CARM1: variants seen among roughly 807,000 people sequenced by gnomAD.
The protein encoded by CARM1 is histone-arginine methyltransferase CARM1.
Under a neutral mutation model 72.7 loss-of-function variants are expected in CARM1, and 14 were observed. The ratio of observed to expected loss-of-function variants is 0.19; its 90% CI spans 0.13 to 0.30. The LOEUF is 0.30. CARM1 is among the 10% of genes least tolerant of loss of function. The probability of loss-of-function intolerance (pLI) is 1.00; values close to 1 mark genes in which losing one functional copy is unlikely to be tolerated. For synonymous variants in CARM1, 333 were observed against 345.5 expected (o/e 0.96, Z 0.40); for missense variants, 432 against 833.7 (o/e 0.52, Z 5.93).
At position 10,888,672 on chromosome 19, in the gene CARM1, T is replaced by C. The variant is rs2073959150; in HGVS notation, c.221-16279T>C. Among the ~76,000 whole-genome samples the C allele has an allele frequency of 3.3e-5, 5 of 152,264 alleles. No individual in the cohort carries two copies. The South Asian group carries it at 1.0e-3, about 32-fold the overall frequency. ...ACCCTCCACAACCCCATGCTTTTCATAATTATCCACTAAGCTCCCGCGCTT... is the reference window on the plus strand; with the variant it reads ...ACCCTCCACAACCCCATGCTTTTCACAATTATCCACTAAGCTCCCGCGCTT... On this transcript the variant is annotated intron_variant, in intron 1 of 15. Coordinates refer to ENST00000327064, the MANE Select transcript of CARM1 (RefSeq NM_199141.2).
At chr19:10,888,621 G>T (rs937272554) in intron 1 of CARM1, among the ~76,000 whole-genome samples, 2 of 152,106 alleles carry the variant, frequency 1.3e-5, no homozygotes, top group African/African-American at 2.4e-5. Context: ...CCGGTTTTGT[G>T]GCTTTGCACC....
At position 10,922,696 on chromosome 19, in the gene CARM1, G is replaced by T. The variant is rs1272635524; in HGVS notation, c.*939G>T. ...TCCATCCCTCCCCTGCCCGGGAAGG[G>T]ACCTTGCAGGGACCTCTCCCTCCAA... On this transcript the variant is annotated 3_prime_UTR_variant, in exon 16 of 16. Transcript: ENST00000327064. 1.3e-5 allele frequency: 2 copies of T among 152,326 alleles called. No individual in the cohort carries two copies. The highest frequency in any genetic ancestry group is 4.8e-5 in the African/African-American group (2 of 41,400). 9.4% of individuals were successfully genotyped at this position (152,326 alleles called of 1,614,324 possible).
chr19:10,905,283 C>T (rs533706231), intron 2 of CARM1, among the ~76,000 whole-genome samples: 61 of 152,366 alleles, frequency 4.0e-4, no homozygotes, highest in Non-Finnish European at 3.2e-4. Context: ...CTCACCGGCT[C>T]CTCCGGGTCT....
At chr19:10,873,764 C>G (rs533935999) in intron 1 of CARM1, among the ~76,000 whole-genome samples, 1 of 150,142 alleles carries the variant, frequency 6.7e-6, no homozygotes, top group Admixed American at 6.7e-5. Context: ...CTCAGCCTCC[C>G]GAGTAGCTGG....
chr19:10,887,777 TTCAAGTGG>T (rs2073952372), intron 1 of CARM1, among the ~76,000 whole-genome samples: 1 of 152,126 alleles, frequency 6.6e-6, no homozygotes, highest in Non-Finnish European at 1.5e-5. Flanking sequence ...AGGCAGGGAC[TTCAAGTGG>T]GCCTCAGCCC....
chr19:10,874,742 C>G (rs2073850063), intron 1 of CARM1, among the ~76,000 whole-genome samples: 1 of 152,096 alleles, frequency 6.6e-6, no homozygotes, highest in Non-Finnish European at 1.5e-5. Flanking sequence ...GGGTTCTTGG[C>G]CAGGCGTGGT....
At chr19:10,898,053 A>G in intron 1 of CARM1, among the ~76,000 whole-genome samples, 1 of 150,760 alleles carries the variant, frequency 6.6e-6, no homozygotes, top group Non-Finnish European at 1.5e-5. Context: ...GCCTGCAGTG[A>G]GCCAAGATTG....
At chr19:10,909,739 AAAAC>A (rs34966774) in intron 4 of CARM1, among the ~76,000 whole-genome samples, 35 of 151,318 alleles carry the variant, frequency 2.3e-4, no homozygotes, top group South Asian at 4.2e-4. Flanking sequence ...TCCATCTCAA[AAAAC>A]AAACAAACAA....
chr19:10,873,458 G>A (rs2146292457), intron 1 of CARM1, among the ~76,000 whole-genome samples: 1 of 151,660 alleles, frequency 6.6e-6, no homozygotes, highest in East Asian at 2.0e-4. Context: ...GGGGTGTGGT[G>A]ACATGTGCCT....
intron 4 of CARM1, among the ~76,000 whole-genome samples, chr19:10,910,516 T>C (rs563118717): frequency 6.6e-6 from 1 of 152,026 alleles, no homozygotes; most frequent in Non-Finnish European, 1.5e-5. Context: ...TGTATTCCCT[T>C]CTCATCCCAT....
intron 1 of CARM1, among the ~76,000 whole-genome samples, chr19:10,880,427 C>T (rs934280362): frequency 6.6e-6 from 1 of 152,002 alleles, no homozygotes; most frequent in Non-Finnish European, 1.5e-5. Context: ...CTCATTGCAG[C>T]CTTGAACACC....
chr19:10,893,317 G>A (rs563396036), intron 1 of CARM1, among the ~76,000 whole-genome samples: 1 of 152,214 alleles, frequency 6.6e-6, no homozygotes, highest in African/African-American at 2.4e-5. Flanking sequence ...GATTACAGGC[G>A]TGAGCCACTG....
intron 1 of CARM1, among the ~76,000 whole-genome samples, chr19:10,873,764 C>T (rs533935999): frequency 6.1e-4 from 91 of 150,258 alleles, no homozygotes; most frequent in Non-Finnish European, 6.7e-4. Context: ...CTCAGCCTCC[C>T]GAGTAGCTGG....
In CARM1 at chr19:10,921,967, A is replaced by G. The variant is rs1181016089; in HGVS notation, c.*210A>G. 3.9e-6 allele frequency: 2 copies of G among 514,622 alleles called. No homozygotes were observed. Among genetic ancestry groups the G allele is most frequent in the Non-Finnish European group, 3.4e-6 (1 of 291,854 alleles). 31.9% of individuals were successfully genotyped at this position (514,622 alleles called of 1,614,324 possible). ...CCGGCCCTGAGCGTGTGTCGCTGCCATATTTTACACAAAATCATGTTGTGG... is the reference window on the plus strand; with the variant it reads ...CCGGCCCTGAGCGTGTGTCGCTGCCGTATTTTACACAAAATCATGTTGTGG... On this transcript the variant is annotated 3_prime_UTR_variant, in exon 16 of 16. Transcript: ENST00000327064.
At position 10,904,903 on chromosome 19, in the gene CARM1, G is replaced by A. The variant is rs755272641; in HGVS notation, c.221-48G>A. 4 of 1,593,900 alleles carry A rather than the reference G, an allele frequency of 2.5e-6. No homozygotes were observed. The South Asian group carries it at 3.3e-5, about 13-fold the overall frequency. On this transcript the variant is annotated intron_variant, in intron 1 of 15. Transcript: ENST00000327064. ...GACAGGGACCCAGGCTCAAAAGAAG[G>A]CAGCTGACAGGGCTGCACCGCTCAC...
At chr19:10,921,289 T>C (rs1034227420) in intron 14 of CARM1, 86 bp from the exon 15 acceptor site, 14 of 1,525,720 alleles carry the variant, frequency 9.2e-6, no homozygotes, top group Admixed American at 3.6e-5. Context: ...TCTGCCTCGC[T>C]CTGCAGCCTG....
At chr19:10,913,486 C>T (rs1362413321) in intron 5 of CARM1, among the ~76,000 whole-genome samples, 1 of 151,148 alleles carries the variant, frequency 6.6e-6, no homozygotes, top group African/African-American at 2.4e-5. Context: ...TGCAGTGAGC[C>T]GAGATGGCGC....
At chr19:10,889,928 G>T (rs1186479744) in intron 1 of CARM1, among the ~76,000 whole-genome samples, 1 of 152,186 alleles carries the variant, frequency 6.6e-6, no homozygotes, top group Non-Finnish European at 1.5e-5. Flanking sequence ...AACTCTGGTG[G>T]TCGGCTTTTG....
In CARM1 at chr19:10,922,107, CT is replaced by C. The variant is rs1422090796; in HGVS notation, c.*351del. 1 of 193,988 alleles carries C rather than the reference CT, an allele frequency of 5.2e-6. No homozygotes were observed. The highest frequency in any genetic ancestry group is 2.3e-5 in the African/African-American group (1 of 43,036). The allele number at this position is 193,988 out of a possible 1,614,324, so 12.0% of individuals were successfully genotyped here. On this transcript the variant is annotated 3_prime_UTR_variant, in exon 16 of 16. Transcript: ENST00000327064. ...GCCAGGTCCCTTAGCACCTGTCCCCCTGCCTGTCTCCAGTGGGAAGGTAGCC... is the reference window on the plus strand; with the variant it reads ...GCCAGGTCCCTTAGCACCTGTCCCCCGCCTGTCTCCAGTGGGAAGGTAGCC...
Sources: gnomAD v4.1 joint callset for allele counts (sites outside exome capture counted in the v4.1 genomes callset) on GRCh38, gnomAD v4.1.1 for gene constraint, MANE v1.5 for transcripts, NCBI Gene and HGNC (gene_info 2026-07-23, HGNC 2026-07-21) for gene names.